The following UGT1A4 variants were observed in gnomAD, a reference collection of about 807,000 sequenced individuals.
UGT1A4 encodes UDP glucuronosyltransferase family 1 member A4, also known as UDP-glucuronosyltransferase 1A4.
A neutral mutation model predicts 41.1 loss-of-function variants in UGT1A4; 32 were observed. That is an observed-to-expected ratio of 0.78 (90% CI 0.59 to 1.05). The LOEUF (loss-of-function observed/expected upper bound fraction) is 1.05. UGT1A4 is among the 50% of genes least tolerant of loss of function. The pLI is 0.00. For synonymous variants in UGT1A4, 283 were observed against 265.1 expected (o/e 1.07, Z -0.66); for missense variants, 748 against 677.4 (o/e 1.10, Z -1.16).
chr2:233,725,687 A>G (rs1043779631), intron 1 of UGT1A4, among the ~76,000 whole-genome samples: 2 of 152,216 alleles, frequency 1.3e-5, no homozygotes, highest in African/African-American at 2.4e-5. Context: ...CAAGTGCTCA[A>G]TAGTCATATG....
intron 1 of UGT1A4, among the ~76,000 whole-genome samples, chr2:233,732,921 ATTGATTCTTCC>A (rs2078336368): frequency 6.6e-6 from 1 of 151,962 alleles, no homozygotes; most frequent in African/African-American, 2.4e-5. Flanking sequence ...TTTTCACGAT[ATTGATTCTTCC>A]TATCCATGAG....
At chr2:233,726,854 A>G (rs980426931) in intron 1 of UGT1A4, among the ~76,000 whole-genome samples, 2 of 152,058 alleles carry the variant, frequency 1.3e-5, no homozygotes, top group Non-Finnish European at 2.9e-5. Context: ...CCTTTTCTCC[A>G]TAGTCTTCTA....
chr2:233,724,563 G>A, intron 1 of UGT1A4, among the ~76,000 whole-genome samples: 1 of 129,616 alleles, frequency 7.7e-6, no homozygotes, highest in Non-Finnish European at 1.6e-5. Flanking sequence ...CCCAGATGGG[G>A]CGGCGGGGCA....
intron 1 of UGT1A4, chr2:233,760,769 C>A: frequency 3.7e-6 from 6 of 1,614,028 alleles, no homozygotes; most frequent in Non-Finnish European, 5.1e-6. Flanking sequence ...CCCATCGTGG[C>A]CCAGTACCTG....
chr2:233,748,418 A>G (rs1693939912), intron 1 of UGT1A4, among the ~76,000 whole-genome samples: 1 of 151,750 alleles, frequency 6.6e-6, no homozygotes, highest in African/African-American at 2.4e-5. Context: ...TTGAGACTTG[A>G]CCCATCTGGA....
chr2:233,741,248 A>T (rs997599929), intron 1 of UGT1A4, among the ~76,000 whole-genome samples: 9 of 151,896 alleles, frequency 5.9e-5, no homozygotes, highest in African/African-American at 1.9e-4. Context: ...TGACACTGGT[A>T]TGCCACTCTT....
intron 1 of UGT1A4, chr2:233,754,324 G>A (rs1695452897): frequency 4.1e-6 from 1 of 246,506 alleles, no homozygotes; most frequent in South Asian, 5.3e-5. Context: ...TCTGCCTCAG[G>A]CTTAAGTTTA....
Position 233,757,560 on chromosome 2 carries a change from A to ATATATG in UGT1A4, c.868-9473_868-9472insATATGT, listed in dbSNP as rs904896556. On this transcript the variant is annotated intron_variant, in intron 1 of 4. Transcript: ENST00000373409. The stretch of plus-strand genomic sequence containing the variant: ...AATATATATATATATATATATATAT[A>ATATATG]TGTATATATGATATAGCTATAGTCT... 7.5e-3 allele frequency among the ~76,000 whole-genome samples: 922 copies of ATATATG among 123,150 alleles called. 38 individuals are homozygous for ATATATG. The highest frequency in any genetic ancestry group is 0.029 in the African/African-American group (852 of 29,358). 80.8% of individuals were successfully genotyped at this position (123,150 alleles called of 152,430 possible).
At chr2:233,762,334 T>A (rs2125997251) in intron 1 of UGT1A4, among the ~76,000 whole-genome samples, 1 of 152,328 alleles carries the variant, frequency 6.6e-6, no homozygotes, top group Middle Eastern at 3.4e-3. Context: ...CCACAATAGC[T>A]CTTTTTAGTT....
chr2:233,745,596 G>T (rs1207233970), intron 1 of UGT1A4, among the ~76,000 whole-genome samples: 1 of 151,570 alleles, frequency 6.6e-6, no homozygotes, highest in Non-Finnish European at 1.5e-5. Context: ...ACCCGGACTT[G>T]GCACTTGGTA....
intron 4 of UGT1A4, chr2:233,770,945 C>A (rs537203065): frequency 1.3e-5 from 2 of 152,232 alleles, no homozygotes; most frequent in African/African-American, 4.8e-5. Flanking sequence ...GCCGGGGGAA[C>A]CTCAGGGAGC....
At chr2:233,754,415 G>A (rs1208600112) in intron 1 of UGT1A4, 1 of 341,654 alleles carries the variant, frequency 2.9e-6, no homozygotes, top group Non-Finnish European at 5.7e-6. Context: ...CAACAATAAA[G>A]ACAGGCATTG....
At chr2:233,760,894 C>T (rs1697601712) in intron 1 of UGT1A4, 6 of 1,614,174 alleles carry the variant, frequency 3.7e-6, no homozygotes, top group Non-Finnish European at 5.1e-6. Flanking sequence ...TCATTCAGAT[C>T]ACATGACCTT....
chr2:233,721,642 T>A (rs1280370811), intron 1 of UGT1A4: 1 of 207,198 alleles, frequency 4.8e-6, no homozygotes. Context: ...ATCTTGAATG[T>A]GGCAGTGGGG....
intron 1 of UGT1A4, chr2:233,742,083 T>C (rs971909103): frequency 2.6e-5 from 4 of 151,868 alleles, no homozygotes; most frequent in Non-Finnish European, 5.9e-5. Context: ...ATCCTTTTTT[T>C]ACATTTCCAG....
intron 1 of UGT1A4, among the ~76,000 whole-genome samples, chr2:233,751,602 T>C (rs1694760263): frequency 6.6e-6 from 1 of 152,210 alleles, no homozygotes; most frequent in Non-Finnish European, 1.5e-5. Context: ...GGATGGGACC[T>C]GGTGGGAGGT....
Position 233,772,366 on chromosome 2 carries a change from G to T in UGT1A4, c.1412G>T (p.Gly471Val). Residue 471 changes from glycine (G) to valine (V), a missense_variant, in exon 5 of 5, where the codon GGC (glycine) becomes GTC (valine). Physicochemically the swap from Gly to Val is moderately radical, Grantham distance 109. Transcript: ENST00000373409. ...GTGGAGTTTGTGATGAGGCACAAGG[G>T]CGCGCCACACCTGCGCCCCGCAGCC... ...FWVEFVMRHK[G>V]APHLRPAAHD... The T allele has an allele frequency of 6.2e-7, 1 of 1,614,234 alleles. No individual in the cohort carries two copies. The highest frequency in any genetic ancestry group is 8.5e-7 in the Non-Finnish European group (1 of 1,180,048).
intron 1 of UGT1A4, among the ~76,000 whole-genome samples, chr2:233,738,028 A>G (rs1242649039): frequency 6.6e-6 from 1 of 151,924 alleles, no homozygotes; most frequent in Non-Finnish European, 1.5e-5. Context: ...TAATCCCCAT[A>G]ATCCCCACGT....
At chr2:233,737,874 C>A (rs1441437584) in intron 1 of UGT1A4, among the ~76,000 whole-genome samples, 1 of 152,148 alleles carries the variant, frequency 6.6e-6, no homozygotes, top group East Asian at 1.9e-4. Flanking sequence ...AAGAATTCCA[C>A]ATTAACAAAG....
Sources: gnomAD v4.1 joint callset for allele counts (sites outside exome capture counted in the v4.1 genomes callset) on GRCh38, gnomAD v4.1.1 for gene constraint, MANE v1.5 for transcripts, NCBI Gene and HGNC (gene_info 2026-07-23, HGNC 2026-07-21) for gene names.